Variants in PTK2 observed in about 807,000 individuals in gnomAD.
PTK2 encodes protein tyrosine kinase 2, also known as focal adhesion kinase 1.
A neutral mutation model predicts 150.1 loss-of-function variants in PTK2; 45 were observed. The observed-to-expected ratio is 0.30, with a 90% CI of 0.24 to 0.38. The LOEUF is 0.38. Ranked by LOEUF, PTK2 falls within the 10% of genes least tolerant of loss-of-function variation. The probability of loss-of-function intolerance (pLI) is 1.00; values close to 1 mark genes in which losing one functional copy is unlikely to be tolerated. For synonymous variants in PTK2, 432 were observed against 449.2 expected, an observed-to-expected ratio of 0.96 and a Z score of 0.48; for missense variants, 919 against 1,307.3, an observed-to-expected ratio of 0.70 and a Z score of 4.58.
intron 23 of PTK2, among the ~76,000 whole-genome samples, chr8:140,716,687 T>A (rs1410037266): frequency 6.6e-6 from 1 of 152,248 alleles, no homozygotes; most frequent in Non-Finnish European, 1.5e-5. Flanking sequence ...CTTTGTCTTA[T>A]CAGGTTTCTG....
At chr8:141,001,590 C>A, upstream of PTK2, among the ~76,000 whole-genome samples, 1 of 152,152 alleles carries the variant, frequency 6.6e-6, no homozygotes, top group Non-Finnish European at 1.5e-5. Flanking sequence ...GGGGTCCCAC[C>A]TGCCTCGCTC....
chr8:140,902,929 T>TTG lies in PTK2; in HGVS notation c.-32-12161_-32-12160insCA, dbSNP rs139013580. Reference sequence around the variant, plus strand: ...TGTTCACTCTGATGAGAGTTGTTTTTTTTTTTTTTTTTTTTTTTTTTTTTT... The same window carrying TTG: ...TGTTCACTCTGATGAGAGTTGTTTTTTGTTTTTTTTTTTTTTTTTTTTTTTTT... On this transcript the variant is annotated intron_variant, in intron 2 of 31. Coordinates refer to ENST00000522684, the Ensembl canonical transcript of PTK2. Among the ~76,000 whole-genome samples the TTG allele has an allele frequency of 3.2e-3, 222 of 68,382 alleles. 3 individuals carry two copies. The highest frequency in any genetic ancestry group is 7.0e-3 in the African/African-American group (167 of 23,760). 44.9% of individuals were successfully genotyped at this position (68,382 alleles called of 152,430 possible).
chr8:140,873,936 C>T (rs762340530), intron 4 of PTK2, among the ~76,000 whole-genome samples: 3 of 152,152 alleles, frequency 2.0e-5, no homozygotes, highest in Non-Finnish European at 4.4e-5. Context: ...TTATAGTGAA[C>T]GTTTTGGAGC....
intron 12 of PTK2, among the ~76,000 whole-genome samples, chr8:140,800,093 T>G (rs2100094067): frequency 6.6e-6 from 1 of 152,204 alleles, no homozygotes; most frequent in Non-Finnish European, 1.5e-5. Context: ...GAAAGGACAC[T>G]TTATTTATAG....
At chr8:140,949,536 C>A (rs1333335335) in intron 1 of PTK2, among the ~76,000 whole-genome samples, 1 of 152,250 alleles carries the variant, frequency 6.6e-6, no homozygotes, top group African/African-American at 2.4e-5. Flanking sequence ...CAGGGCAGAG[C>A]AAAGTTGTGG....
chr8:140,676,943 CA>C (rs71320398), intron 27 of PTK2, among the ~76,000 whole-genome samples: 34,153 of 85,290 alleles, frequency 0.4, 4,030 homozygotes, highest in East Asian at 0.48. Context: ...GACTCCATCT[CA>C]AAAAAAAAAA....
chr8:140,914,402 A>G (rs2100164365), intron 2 of PTK2, among the ~76,000 whole-genome samples: 1 of 146,146 alleles, frequency 6.8e-6, no homozygotes, highest in Non-Finnish European at 1.5e-5. Context: ...ACTAACCCTT[A>G]AAGAACCAAG....
At chr8:140,942,650 G>A (rs939958196) in intron 1 of PTK2, among the ~76,000 whole-genome samples, 2 of 150,944 alleles carry the variant, frequency 1.3e-5, no homozygotes, top group African/African-American at 2.4e-5. Context: ...GTGTGTGCGC[G>A]CATATATGTG....
chr8:140,780,781 G>A (rs1297041216), intron 14 of PTK2, among the ~76,000 whole-genome samples: 1 of 152,196 alleles, frequency 6.6e-6, no homozygotes, highest in Non-Finnish European at 1.5e-5. Context: ...AGTTACAGGT[G>A]AAATATGCCT....
In PTK2 at chr8:140,739,302, T is replaced by C. The variant is rs563170769; in HGVS notation, c.1736-195A>G. Reference sequence around the variant, plus strand: ...TTAGGGGTGAGGAATGGTTAGATGGTAGATAAATAAAATACCAATGTCCTT... The same window carrying C: ...TTAGGGGTGAGGAATGGTTAGATGGCAGATAAATAAAATACCAATGTCCTT... On this transcript the variant is annotated intron_variant, in intron 20 of 31. Transcript: ENST00000522684. Among the ~76,000 whole-genome samples, 3 of 152,188 alleles carry C rather than the reference T, an allele frequency of 2.0e-5. No individual in the cohort carries two copies. The East Asian group carries it at 5.8e-4, about 29-fold the overall frequency.
intron 14 of PTK2, among the ~76,000 whole-genome samples, chr8:140,787,084 A>G (rs2100085396): frequency 1.3e-5 from 2 of 152,156 alleles, no homozygotes; most frequent in South Asian, 2.1e-4. Context: ...ATGATTACTA[A>G]AAGTTTCTGA....
At chr8:140,940,460 A>G (rs2100175287) in intron 1 of PTK2, 1 of 152,080 alleles carries the variant, frequency 6.6e-6, no homozygotes. Flanking sequence ...AAAAAAAAAG[A>G]CTAAAGAGTC....
chr8:141,000,533 T>C (rs1031354594), intron 1 of PTK2, among the ~76,000 whole-genome samples: 2 of 152,170 alleles, frequency 1.3e-5, no homozygotes, highest in African/African-American at 2.4e-5. Flanking sequence ...CTTTTGTTTT[T>C]CAGGCATTGG....
In PTK2 at chr8:140,697,416, TTGTGTGTGTGTGTGTGTG is replaced by T. The variant is rs34459077; in HGVS notation, c.2499+3457_2499+3474del. Reference sequence around the variant, plus strand: ...CTACAGGAAGTTCTTAGAATACGGTTTGTGTGTGTGTGTGTGTGTGTGTGTGTGTGTGTGTGTGTTTTT... The same window carrying T: ...CTACAGGAAGTTCTTAGAATACGGTTTGTGTGTGTGTGTGTGTGTGTTTTT... On this transcript the variant is annotated intron_variant, in intron 26 of 31. Transcript: ENST00000522684. 5.5e-5 allele frequency among the ~76,000 whole-genome samples: 8 copies of T among 145,710 alleles called. No homozygotes were observed. The East Asian group carries it at 6.2e-4, about 11-fold the overall frequency.
intron 14 of PTK2, chr8:140,771,114 A>T (rs1046201864): frequency 6.4e-6 from 1 of 156,262 alleles, no homozygotes; most frequent in African/African-American, 2.4e-5. Flanking sequence ...CACAGGAAAA[A>T]ACAAAGACCA....
chr8:140,901,992 CT>C (rs1371650466), intron 2 of PTK2, among the ~76,000 whole-genome samples: 2 of 151,414 alleles, frequency 1.3e-5, no homozygotes, highest in African/African-American at 4.9e-5. Context: ...TCAACTCATC[CT>C]TTTTTATGGC....
At chr8:140,927,352 T>C (rs1015597636) in intron 1 of PTK2, 9 of 152,206 alleles carry the variant, frequency 5.9e-5, no homozygotes, top group Non-Finnish European at 1.2e-4. Flanking sequence ...TCACCTTATT[T>C]AACAAATAGC....
intron 1 of PTK2, among the ~76,000 whole-genome samples, chr8:140,994,657 C>T (rs1008872036): frequency 6.6e-6 from 1 of 152,112 alleles, no homozygotes; most frequent in African/African-American, 2.4e-5. Flanking sequence ...TTCGATGTTA[C>T]TACTGTAGTT....
intron 10 of PTK2, among the ~76,000 whole-genome samples, chr8:140,807,810 T>C (rs1312161304): frequency 6.6e-6 from 1 of 152,240 alleles, no homozygotes; most frequent in Non-Finnish European, 1.5e-5. Flanking sequence ...TACTATAAAA[T>C]TTTAAATCAC....
Sources: gnomAD v4.1 joint callset for allele counts (sites outside exome capture counted in the v4.1 genomes callset) on GRCh38, gnomAD v4.1.1 for gene constraint, MANE v1.5 for transcripts, NCBI Gene and HGNC (gene_info 2026-07-23, HGNC 2026-07-21) for gene names.